Variants in DENND3 observed in about 807,000 individuals in gnomAD.
DENND3 encodes the protein DENN domain-containing protein 3.
DENND3 carries 88 observed loss-of-function variants against 135.1 expected under a neutral mutation model. The observed-to-expected ratio is 0.65, with a 90% CI of 0.55 to 0.78. DENND3 has a LOEUF of 0.78. Ranked by LOEUF, DENND3 falls within the 30% of genes least tolerant of loss-of-function variation. DENND3 has a pLI of 0.00. For synonymous variants in DENND3, 693 were observed against 712.3 expected, an observed-to-expected ratio of 0.97 and a Z score of 0.43; for missense variants, 1,392 against 1,688.4, an observed-to-expected ratio of 0.82 and a Z score of 3.08.
rs1216295800 is a variant in DENND3, at chr8:141,182,179, G to A, written c.2944+1325G>A. The A allele has an allele frequency of 3.2e-6, 1 of 317,418 alleles. No homozygotes were observed. The highest frequency in any genetic ancestry group is 4.6e-6 in the Non-Finnish European group (1 of 219,160). 19.7% of individuals were successfully genotyped at this position (317,418 alleles called of 1,614,324 possible). A position where few individuals can be genotyped will look rare whatever the true frequency, so the allele number is the denominator to read the frequency against. On this transcript the variant is annotated intron_variant, in intron 17 of 22. Coordinates refer to ENST00000519811, the MANE Select transcript of DENND3 (RefSeq NM_001352890.3). This position sits in a 1 kb window ranked among gnomAD's most constrained non-coding sequence, Gnocchi z 5.9. ...CGTAGGTGTCAGGGATGCAGATGTA[G>A]GTGTCACCCCCTCTCACAGGCCATG... is the stretch of plus-strand genomic sequence containing the variant.
rs1818371492 is a variant in DENND3, at chr8:141,148,058, A to C, written c.736-2776A>C. Among the ~76,000 whole-genome samples the C allele has an allele frequency of 2.0e-5, 3 of 152,214 alleles. No homozygotes were observed. The South Asian group carries it at 6.2e-4, about 32-fold the overall frequency. ...GTTTATTGTTTTGAATAAATCCAAG[A>C]GGTCAGTGTAGGCCAAGGTTCTCAT... On this transcript the variant is annotated intron_variant, in intron 5 of 22. Transcript: ENST00000519811.
rs918204482 is a variant in DENND3, at chr8:141,166,613, G to A, written c.1753+224G>A. On this transcript the variant is annotated intron_variant, in intron 12 of 22. Transcript: ENST00000519811. The surrounding 1 kb of genome is among the most constrained non-coding windows in gnomAD (Gnocchi z 4.3). ...ACCCAGTGTCACCGCTAAAGATAAC[G>A]GGGGCTCGGCATGGTTCGGCATCCT... Among the ~76,000 whole-genome samples, 2 of 152,212 alleles carry A rather than the reference G, an allele frequency of 1.3e-5. No individual in the cohort carries two copies. Among genetic ancestry groups the A allele is most frequent in the Non-Finnish European group, 2.9e-5 (2 of 68,038 alleles).
intron 17 of DENND3, among the ~76,000 whole-genome samples, chr8:141,184,297 G>A (rs1291094398): frequency 6.6e-6 from 1 of 152,080 alleles, no homozygotes; most frequent in African/African-American, 2.4e-5. Flanking sequence ...CAGCACCATG[G>A]AGTCAGTTAG....
chr8:141,164,321 C>CA (rs1820503631), intron 10 of DENND3, among the ~76,000 whole-genome samples: 1 of 152,172 alleles, frequency 6.6e-6, no homozygotes, highest in South Asian at 2.1e-4. Flanking sequence ...GTGACTATTA[C>CA]AAAAAAATAA....
chr8:141,132,633 A>G (rs1816267453), intron 1 of DENND3, among the ~76,000 whole-genome samples: 1 of 152,244 alleles, frequency 6.6e-6, no homozygotes, highest in Non-Finnish European at 1.5e-5. Context: ...CTGGGATTAC[A>G]GGCGTGAGCC....
At chr8:141,191,601 G>A (rs916009943) in intron 20 of DENND3, 1 of 152,318 alleles carries the variant, frequency 6.6e-6, no homozygotes, top group Admixed American at 6.5e-5. Context: ...CCGCGGGAGT[G>A]AAGTGGCGTC....
In DENND3 at chr8:141,176,591, G is replaced by A; in HGVS notation, c.2536G>A (p.Glu846Lys). 2 of 1,614,226 alleles carry A rather than the reference G, an allele frequency of 1.2e-6. No individual in the cohort carries two copies. Among genetic ancestry groups the A allele is most frequent in the Non-Finnish European group, 1.7e-6 (2 of 1,180,040 alleles). ...LEISTFRNIE[E>K]VRRTTTTFLL... ...TAACTTTTCTTTTCTGCCTCTGCAGGAGGTCAGGAGAACCACTACTACATT... is the reference window on the plus strand; with the variant it reads ...TAACTTTTCTTTTCTGCCTCTGCAGAAGGTCAGGAGAACCACTACTACATT... Residue 846 changes from glutamate to lysine, a missense_variant and splice_region_variant, in exon 15 of 23, where the codon GAG (glutamate) becomes AAG (lysine). Coordinates refer to ENST00000519811, the MANE Select transcript of DENND3 (RefSeq NM_001352890.3).
intron 8 of DENND3, chr8:141,157,385 C>A: frequency 6.1e-6 from 6 of 985,386 alleles, no homozygotes; most frequent in Non-Finnish European, 7.2e-6. Flanking sequence ...GCTCATTTTT[C>A]CCTTCAGCAT....
intron 8 of DENND3, 23 bp downstream of exon 8, chr8:141,155,993 T>G: frequency 6.3e-7 from 1 of 1,579,184 alleles, no homozygotes. Context: ...ATTAATGGTA[T>G]GAATTTCAGA....
intron 7 of DENND3, among the ~76,000 whole-genome samples, chr8:141,153,217 C>T (rs1342883578): frequency 6.6e-6 from 1 of 151,742 alleles, no homozygotes; most frequent in African/African-American, 2.4e-5. Flanking sequence ...TCTCAGCCTC[C>T]CGAGTAGCTG....
chr8:141,142,659 T>G (rs1817604400), intron 4 of DENND3: 2 of 272,242 alleles, frequency 7.3e-6, no homozygotes, highest in African/African-American at 4.7e-5. Context: ...CATGCATGTT[T>G]GTTGACTGTC....
Position 141,174,387 on chromosome 8 carries a change from A to G in DENND3, c.2276-813A>G, listed in dbSNP as rs1467551677. Reference sequence around the variant, plus strand: ...AACTGAGGGGGACTTGCTGCACGTCAGGGGACAGAGAGAGGGACACTGGGT... The same window carrying G: ...AACTGAGGGGGACTTGCTGCACGTCGGGGGACAGAGAGAGGGACACTGGGT... On this transcript the variant is annotated intron_variant, in intron 13 of 22. Coordinates refer to ENST00000519811, the MANE Select transcript of DENND3 (RefSeq NM_001352890.3). The surrounding 1 kb of genome is among the most constrained non-coding windows in gnomAD (Gnocchi z 4.6). Among the ~76,000 whole-genome samples, 17 of 152,158 alleles carry G rather than the reference A, an allele frequency of 1.1e-4. No homozygotes were observed. The highest frequency in any genetic ancestry group is 1.1e-3 in the Admixed American group (17 of 15,278).
At chr8:141,133,876 G>T (rs1288430411) in intron 1 of DENND3, among the ~76,000 whole-genome samples, 1 of 152,224 alleles carries the variant, frequency 6.6e-6, no homozygotes, top group South Asian at 2.1e-4. Context: ...TGCAGTGGGG[G>T]TGGCAGGAGG....
intron 16 of DENND3, among the ~76,000 whole-genome samples, chr8:141,180,286 C>T (rs116198327): frequency 0.029 from 4,491 of 152,310 alleles, 231 homozygotes; most frequent in African/African-American, 0.1. Context: ...CAGCCCAACA[C>T]GCCCCTGGTT....
At chr8:141,152,525 T>G (rs1178846082) in intron 7 of DENND3, among the ~76,000 whole-genome samples, 1 of 152,216 alleles carries the variant, frequency 6.6e-6, no homozygotes, top group Non-Finnish European at 1.5e-5. Context: ...CGTCATGGCT[T>G]TGAGACTCCT....
In DENND3 at chr8:141,174,709, C is replaced by T. The variant is rs767827409; in HGVS notation, c.2276-491C>T. On this transcript the variant is annotated intron_variant, in intron 13 of 22. Transcript: ENST00000519811. This position sits in a 1 kb window ranked among gnomAD's most constrained non-coding sequence, Gnocchi z 4.6. ...GCTGGTAACCAAAGAGTGTGGAGGT[C>T]GGGCCAGTTACAGGAGAGGCCGACC... is the stretch of plus-strand genomic sequence containing the variant. 3.3e-5 allele frequency among the ~76,000 whole-genome samples: 5 copies of T among 152,052 alleles called. No individual in the cohort carries two copies. The highest frequency in any genetic ancestry group is 4.4e-5 in the Non-Finnish European group (3 of 68,000).
intron 19 of DENND3, 108 bp from the exon 20 acceptor site, chr8:141,190,176 T>C: frequency 7.2e-7 from 1 of 1,397,012 alleles, no homozygotes; most frequent in Non-Finnish European, 9.4e-7. Context: ...GTTATCCGTG[T>C]TGAGCACATT....
Position 141,190,383 on chromosome 8 carries a change from G to A in DENND3, c.3345G>A (p.Thr1115=), listed in dbSNP as rs368140005. 98 of 1,612,510 alleles carry A rather than the reference G, an allele frequency of 6.1e-5. No homozygotes were observed. The highest frequency in any genetic ancestry group is 6.2e-5 in the Non-Finnish European group (73 of 1,179,794). ...TCCAGCTGCCGCGAGGTGGCCTGACGTCCATCAGACTGCACGGCGGCCGCC... is the reference window on the plus strand; with the variant it reads ...TCCAGCTGCCGCGAGGTGGCCTGACATCCATCAGACTGCACGGCGGCCGCC... The part of the protein sequence containing the change: ...SRFQLPRGGL[T]SIRLHGGRLW... The change falls in exon 20 of 23, where the codon ACG becomes ACA. Residue 1115 remains threonine, a synonymous_variant. Coordinates refer to ENST00000519811, the MANE Select transcript of DENND3 (RefSeq NM_001352890.3).
At position 141,175,641 on chromosome 8, in the gene DENND3, T is replaced by C; in HGVS notation, c.2535+182T>C. 1 of 850,218 alleles carries C rather than the reference T, an allele frequency of 1.2e-6. No homozygotes were observed. The allele number at this position is 850,218 out of a possible 1,614,324, so 52.7% of individuals were successfully genotyped here. A position where few individuals can be genotyped will look rare whatever the true frequency, so the allele number is the denominator to read the frequency against. ...AAGTAGGAATAAGGCTGATACCTTCTCAGTGGGTGGTGGAGATTGAATAGT... is the reference window on the plus strand; with the variant it reads ...AAGTAGGAATAAGGCTGATACCTTCCCAGTGGGTGGTGGAGATTGAATAGT... On this transcript the variant is annotated intron_variant, in intron 14 of 22. Coordinates refer to ENST00000519811, the MANE Select transcript of DENND3 (RefSeq NM_001352890.3). The surrounding 1 kb of genome is among the most constrained non-coding windows in gnomAD (Gnocchi z 5.4).
Sources: allele counts gnomAD v4.1 joint callset (sites outside exome capture counted in the v4.1 genomes callset), GRCh38; gene constraint gnomAD v4.1.1; non-coding constraint Gnocchi (gnomAD v3.1); transcripts MANE v1.5; gene names NCBI Gene and HGNC (gene_info 2026-07-23, HGNC 2026-07-21).